Variants in ZBTB10 observed in about 807,000 individuals in gnomAD.
ZBTB10 encodes zinc finger and BTB domain-containing protein 10.
ZBTB10 carries 32 observed loss-of-function variants against 76.4 expected under a neutral mutation model. The observed-to-expected ratio is 0.42, with a 90% CI of 0.32 to 0.56. The LOEUF is 0.56. ZBTB10 is among the 20% of genes least tolerant of loss of function. The pLI is 0.14. For synonymous variants in ZBTB10, 523 were observed against 432.9 expected (o/e 1.21, Z -2.58); for missense variants, 1,057 against 1,098.5 (o/e 0.96, Z 0.53).
In ZBTB10 at chr8:80,520,045, T is replaced by A. The variant is rs1816418522; in HGVS notation, c.*517T>A. 6.6e-6 allele frequency: 1 copy of A among 152,496 alleles called. No individual in the cohort carries two copies. The highest frequency in any genetic ancestry group is 1.5e-5 in the Non-Finnish European group (1 of 68,000). 9.4% of individuals were successfully genotyped at this position (152,496 alleles called of 1,614,324 possible). A position where few individuals can be genotyped will look rare whatever the true frequency, so the allele number is the denominator to read the frequency against. On this transcript the variant is annotated 3_prime_UTR_variant, in exon 6 of 6. Transcript: ENST00000455036. ...CTTTTTCAACCCCATTGGTTCTATT[T>A]TCTTGTATTTTTCCATTTAATTTGC...
intron 3 of ZBTB10, among the ~76,000 whole-genome samples, chr8:80,514,311 G>C (rs879447409): frequency 6.6e-6 from 1 of 152,140 alleles, no homozygotes; most frequent in African/African-American, 2.4e-5. Flanking sequence ...TGGTAATTAC[G>C]ATAATGGTTG....
Position 80,500,076 on chromosome 8 carries a change from G to A in ZBTB10, c.1555G>A (p.Asp519Asn). 1 of 1,613,958 alleles carries A rather than the reference G, an allele frequency of 6.2e-7. No individual in the cohort carries two copies. Among genetic ancestry groups the A allele is most frequent in the Non-Finnish European group, 8.5e-7 (1 of 1,179,874 alleles). Residue 519 changes from aspartate (D) to asparagine (N), a missense_variant, in exon 2 of 6, where the codon GAT (aspartate) becomes AAT (asparagine). This residue lies in a region of ZBTB10 where 306 missense variants were observed against 297.5 expected (regional missense o/e 1.03). Transcript: ENST00000455036. ...NLASNVKIEN[D>N]GCNVDEGQIE... ...GGCAAGTAATGTAAAGATTGAAAATGATGGTTGTAATGTCGACGAGGGCCA... is the reference window on the plus strand; with the variant it reads ...GGCAAGTAATGTAAAGATTGAAAATAATGGTTGTAATGTCGACGAGGGCCA...
intron 2 of ZBTB10, among the ~76,000 whole-genome samples, 151 bp downstream of exon 2, chr8:80,500,533 C>T (rs1354100211): frequency 2.0e-5 from 3 of 152,118 alleles, no homozygotes; most frequent in Non-Finnish European, 4.4e-5. Context: ...AAATGCATAA[C>T]ATATTTGGTA....
chr8:80,514,043 A>C (rs1291818100), intron 3 of ZBTB10, 35 bp downstream of exon 3: 1 of 1,562,454 alleles, frequency 6.4e-7, no homozygotes, highest in Admixed American at 1.7e-5. Flanking sequence ...CAGTACATTT[A>C]AGATTGGGAA....
Position 80,487,788 on chromosome 8 carries a change from G to T in ZBTB10, c.972+6G>T, listed in dbSNP as rs745972090. On this transcript the variant is annotated splice_donor_region_variant and intron_variant, in intron 1 of 5. Transcript: ENST00000455036. ...TCCACGAAGCCAACGCCCAGGTACAGTATATCCTGCTCCTACTTTTTTGAG... is the reference window on the plus strand; with the variant it reads ...TCCACGAAGCCAACGCCCAGGTACATTATATCCTGCTCCTACTTTTTTGAG... 1.9e-6 allele frequency: 3 copies of T among 1,569,452 alleles called. No individual in the cohort carries two copies. In the East Asian group the frequency reaches 6.7e-5, roughly 35 times the overall value.
chr8:80,486,420 G>A lies in ZBTB10; in HGVS notation c.-391G>A. The A allele has an allele frequency of 2.0e-6, 2 of 984,028 alleles. No homozygotes were observed. The highest frequency in any genetic ancestry group is 2.4e-6 in the Non-Finnish European group (2 of 829,766). The allele number at this position is 984,028 out of a possible 1,614,324, so 61.0% of individuals were successfully genotyped here. ...GTGTGGAGGATCGGTGTGTGCGCGC[G>A]CGGCTTTAAAGAGGGGGCAGCGGAG... On this transcript the variant is annotated 5_prime_UTR_variant, in exon 1 of 6. Transcript: ENST00000455036.
At chr8:80,507,791 G>C (rs779865484) in intron 2 of ZBTB10, among the ~76,000 whole-genome samples, 39 of 152,144 alleles carry the variant, frequency 2.6e-4, no homozygotes, top group Admixed American at 4.6e-4. Flanking sequence ...AATAGAGACA[G>C]GGTCTCGTTA....
chr8:80,513,655 A>G (rs939669383), intron 2 of ZBTB10, among the ~76,000 whole-genome samples: 10 of 152,210 alleles, frequency 6.6e-5, no homozygotes, highest in African/African-American at 2.2e-4. Flanking sequence ...ACTAAGGCAT[A>G]TGGTCACATA....
intron 3 of ZBTB10, among the ~76,000 whole-genome samples, chr8:80,514,272 C>T (rs1585860647): frequency 6.6e-6 from 1 of 152,084 alleles, no homozygotes; most frequent in Non-Finnish European, 1.5e-5. Context: ...CTTATGGCTT[C>T]CTGCTGGTAT....
intron 1 of ZBTB10, among the ~76,000 whole-genome samples, chr8:80,492,174 ATT>A (rs1815648182): frequency 6.6e-6 from 1 of 152,156 alleles, no homozygotes; most frequent in African/African-American, 2.4e-5. Context: ...TTATTTATAT[ATT>A]TTACATTATT....
At chr8:80,506,011 TC>T (rs1816043054) in intron 2 of ZBTB10, among the ~76,000 whole-genome samples, 1 of 150,210 alleles carries the variant, frequency 6.7e-6, no homozygotes, top group Admixed American at 6.7e-5. Flanking sequence ...CAGCCTCACT[TC>T]CCAAAGTGCT....
intron 5 of ZBTB10, 118 bp downstream of exon 5, chr8:80,519,072 A>C (rs1316824534): frequency 1.4e-6 from 2 of 1,417,638 alleles, no homozygotes; most frequent in African/African-American, 1.4e-5. Flanking sequence ...AAATTGCTTT[A>C]AACAGTTTGA....
rs918740823 is a variant in ZBTB10, at chr8:80,525,930, A to G, written c.*6402A>G. 2.0e-5 allele frequency: 3 copies of G among 152,196 alleles called. No homozygotes were observed. The highest frequency in any genetic ancestry group is 7.2e-5 in the African/African-American group (3 of 41,460). The allele number at this position is 152,196 out of a possible 1,614,324, so 9.4% of individuals were successfully genotyped here. A position where few individuals can be genotyped will look rare whatever the true frequency, so the allele number is the denominator to read the frequency against. ...CCAAGCATATGATACGTGGTGTCAC[A>G]CTGAGCCTTTGGGATCCTTTCCCTG... is the stretch of plus-strand genomic sequence containing the variant. On this transcript the variant is annotated 3_prime_UTR_variant, in exon 6 of 6. Transcript: ENST00000455036.
intron 1 of ZBTB10, among the ~76,000 whole-genome samples, chr8:80,491,260 C>T (rs1261221893): frequency 6.6e-6 from 1 of 152,070 alleles, no homozygotes; most frequent in Non-Finnish European, 1.5e-5. Flanking sequence ...GTTACAGTTG[C>T]CTAAAGTATT....
chr8:80,505,021 C>T (rs973445155), intron 2 of ZBTB10, among the ~76,000 whole-genome samples: 17 of 152,056 alleles, frequency 1.1e-4, no homozygotes, highest in Non-Finnish European at 2.2e-4. Context: ...TAAATTTATA[C>T]CTGTCATACT....
intron 1 of ZBTB10, among the ~76,000 whole-genome samples, chr8:80,488,837 G>A (rs1334862828): frequency 6.6e-6 from 1 of 152,076 alleles, no homozygotes; most frequent in African/African-American, 2.4e-5. Context: ...TTAGCTCTTA[G>A]TATTCTGTTT....
upstream of ZBTB10, chr8:80,486,118 C>G (rs1371808589): frequency 1.9e-5 from 9 of 470,798 alleles, no homozygotes; most frequent in Non-Finnish European, 2.6e-5. Context: ...CCACCCCACC[C>G]CAGCCCAGCC....
upstream of ZBTB10, chr8:80,486,169 T>G: frequency 6.5e-6 from 6 of 924,860 alleles, no homozygotes; most frequent in Admixed American, 7.5e-5. Flanking sequence ...CCCCACCCTT[T>G]CCCCCTCCAG....
At position 80,486,752 on chromosome 8, in the gene ZBTB10, C is replaced by T; in HGVS notation, c.-59C>T. 9.3e-7 allele frequency: 1 copy of T among 1,076,728 alleles called. No individual in the cohort carries two copies. The allele number at this position is 1,076,728 out of a possible 1,614,324, so 66.7% of individuals were successfully genotyped here. On this transcript the variant is annotated 5_prime_UTR_variant, in exon 1 of 6. The change creates a new upstream start codon in the 5' untranslated region. Coordinates refer to ENST00000455036, the MANE Select transcript of ZBTB10 (RefSeq NM_001105539.3). ...GGGGAGCCGCGGGGAGCGCGCGGGA[C>T]GCGGCCCGAGGCCGTGCGCGAGCCG...
Sources: gnomAD v4.1 joint callset for allele counts (sites outside exome capture counted in the v4.1 genomes callset) on GRCh38, gnomAD v4.1.1 for gene constraint, gnomAD v4.1.1 regional missense constraint, MANE v1.5 for transcripts, NCBI Gene and HGNC (gene_info 2026-07-23, HGNC 2026-07-21) for gene names.